Variants in NUDT4 observed in about 807,000 individuals in gnomAD.
NUDT4 encodes nudix hydrolase 4, also known as diphosphoinositol polyphosphate phosphohydrolase 2.
In NUDT4, 5 loss-of-function variants were observed where a neutral mutation model predicts 23.1. That is an observed-to-expected ratio of 0.22 (90% confidence interval 0.11 to 0.46). NUDT4 has a LOEUF of 0.46. NUDT4 is among the 20% of genes least tolerant of loss of function. NUDT4 has a pLI of 0.99. For synonymous variants in NUDT4, 50 were observed against 79.0 expected (o/e 0.63, Z 1.95); for missense variants, 96 against 211.6 (o/e 0.45, Z 3.39).
chr12:93,383,886 C>A (rs553406437), intron 1 of NUDT4, among the ~76,000 whole-genome samples: 2 of 152,282 alleles, frequency 1.3e-5, no homozygotes, highest in South Asian at 4.2e-4. Flanking sequence ...TCATAATAAA[C>A]CTCTTCATTC....
At chr12:93,391,438 G>T (rs1050707998) in intron 1 of NUDT4, among the ~76,000 whole-genome samples, 1 of 151,922 alleles carries the variant, frequency 6.6e-6, no homozygotes, top group Non-Finnish European at 1.5e-5. Context: ...GGTGGGAGGT[G>T]CCTGTAATCC....
In NUDT4 at chr12:93,403,948, T is replaced by C. The variant is rs931337301; in HGVS notation, c.*4569T>C. The C allele has an allele frequency of 6.6e-5, 10 of 152,234 alleles. No homozygotes were observed. Among genetic ancestry groups the C allele is most frequent in the Admixed American group, 2.0e-4 (3 of 15,282 alleles). 9.4% of individuals were successfully genotyped at this position (152,234 alleles called of 1,614,324 possible). ...GTCTTCTAGCCAGGGAACTATTCTC[T>C]AATTCTTCCACCTTGATATGATTTC... is the stretch of plus-strand genomic sequence containing the variant. On this transcript the variant is annotated 3_prime_UTR_variant, in exon 5 of 5. Coordinates refer to ENST00000415493, the MANE Select transcript of NUDT4 (RefSeq NM_019094.6).
intron 1 of NUDT4, among the ~76,000 whole-genome samples, chr12:93,391,923 G>A (rs1372460972): frequency 6.6e-6 from 1 of 151,946 alleles, no homozygotes; most frequent in African/African-American, 2.4e-5. Context: ...TCACTCCATT[G>A]CCCAGGCTGA....
In NUDT4 at chr12:93,398,859, A is replaced by G. The variant is rs1565784183; in HGVS notation, c.340+4A>G. 6.6e-7 allele frequency: 1 copy of G among 1,520,528 alleles called. No homozygotes were observed. The highest frequency in any genetic ancestry group is 1.1e-5 in the South Asian group (1 of 88,784). The allele number at this position is 1,520,528 out of a possible 1,614,324, so 94.2% of individuals were successfully genotyped here. On this transcript the variant is annotated splice_donor_region_variant and intron_variant, in intron 4 of 4. Transcript: ENST00000415493. Reference sequence around the variant, plus strand: ...TGGGAAGATTCTGTTAATATTGGTAAGTTCCCTTTTGTTATCTGAATACTC... The same window carrying G: ...TGGGAAGATTCTGTTAATATTGGTAGGTTCCCTTTTGTTATCTGAATACTC...
intron 1 of NUDT4, among the ~76,000 whole-genome samples, chr12:93,384,913 C>T (rs1323524195): frequency 2.0e-5 from 3 of 152,148 alleles, no homozygotes; most frequent in South Asian, 2.1e-4. Context: ...CATGCCATCA[C>T]GCCTGGCTAA....
At chr12:93,379,671 G>A (rs745896828) in intron 1 of NUDT4, among the ~76,000 whole-genome samples, 10 of 152,106 alleles carry the variant, frequency 6.6e-5, no homozygotes, top group Non-Finnish European at 1.3e-4. Flanking sequence ...TCCCAAACGA[G>A]TGTGCAGAGA....
intron 1 of NUDT4, chr12:93,378,622 G>T: frequency 8.2e-7 from 1 of 1,222,764 alleles, no homozygotes; most frequent in Non-Finnish European, 1.0e-6. Context: ...GACAAAGGGG[G>T]CTCGCCCAGC....
intron 1 of NUDT4, 118 bp from the exon 2 acceptor site, chr12:93,394,491 T>A (rs975925709): frequency 1.6e-5 from 9 of 558,984 alleles, no homozygotes; most frequent in African/African-American, 9.5e-5. Flanking sequence ...TAATTTTAAT[T>A]AAATTTTAAA....
chr12:93,382,778 G>A (rs781703775), intron 1 of NUDT4, among the ~76,000 whole-genome samples: 30 of 146,296 alleles, frequency 2.1e-4, no homozygotes, highest in Middle Eastern at 6.9e-3. Context: ...CCAGGTTCAC[G>A]CCATTCTCAA....
In NUDT4 at chr12:93,391,564, C is replaced by CA. The variant is rs35273143; in HGVS notation, c.100-3031dup. Reference sequence around the variant, plus strand: ...TGGATGATAGGACGAGACTCCATTTCAAAAAAAAAAAAAAGTACAAAAATT... The same window carrying CA: ...TGGATGATAGGACGAGACTCCATTTCAAAAAAAAAAAAAAAGTACAAAAATT... On this transcript the variant is annotated intron_variant, in intron 1 of 4. Transcript: ENST00000415493. 6.3e-4 allele frequency among the ~76,000 whole-genome samples: 73 copies of CA among 116,232 alleles called. 1 individual carries two copies. The highest frequency in any genetic ancestry group is 6.7e-4 in the Non-Finnish European group (36 of 54,018). 76.3% of individuals were successfully genotyped at this position (116,232 alleles called of 152,430 possible).
rs1237107560 is a variant in NUDT4 at position 93,405,317 on chromosome 12, T to TC, written c.*5939dup. On this transcript the variant is annotated 3_prime_UTR_variant, in exon 5 of 5. Coordinates refer to ENST00000415493, the MANE Select transcript of NUDT4 (RefSeq NM_019094.6). ...AAAAGCAGTCATATGGTAAGATGGA[T>TC]CAGGAGTCTTTAAAAATAAAACTGA... 2.7e-5 allele frequency: 4 copies of TC among 150,024 alleles called. No homozygotes were observed. The highest frequency in any genetic ancestry group is 9.7e-5 in the African/African-American group (4 of 41,298). The allele number at this position is 150,024 out of a possible 1,614,324, so 9.3% of individuals were successfully genotyped here. A position where few individuals can be genotyped will look rare whatever the true frequency, so the allele number is the denominator to read the frequency against.
At chr12:93,378,839 C>T (rs1184624434) in intron 1 of NUDT4, 1 of 959,164 alleles carries the variant, frequency 1.0e-6, no homozygotes, top group Non-Finnish European at 1.2e-6. Context: ...ATTTTCCTTC[C>T]ATGTTACAGC....
At chr12:93,390,990 A>G (rs958900800) in intron 1 of NUDT4, among the ~76,000 whole-genome samples, 1 of 152,138 alleles carries the variant, frequency 6.6e-6, no homozygotes, top group Non-Finnish European at 1.5e-5. Flanking sequence ...GGAGTTGCTG[A>G]ATTGTCAGCT....
chr12:93,395,342 C>T, intron 2 of NUDT4, 147 bp from the exon 3 acceptor site: 1 of 669,200 alleles, frequency 1.5e-6, no homozygotes, highest in Non-Finnish European at 2.7e-6. Context: ...ACAATAAAAA[C>T]TTCACAGAAG....
rs1289684618 is a variant in NUDT4, at chr12:93,403,208, T to C, written c.*3829T>C. Reference sequence around the variant, plus strand: ...AGCATTTGCTGTTCAATAATAAGCATCTTCTTTATGCCTAGTATTTGTGAT... The same window carrying C: ...AGCATTTGCTGTTCAATAATAAGCACCTTCTTTATGCCTAGTATTTGTGAT... On this transcript the variant is annotated 3_prime_UTR_variant, in exon 5 of 5. Coordinates refer to ENST00000415493, the MANE Select transcript of NUDT4 (RefSeq NM_019094.6). The C allele has an allele frequency of 6.6e-6, 1 of 152,126 alleles. No homozygotes were observed. The highest frequency in any genetic ancestry group is 1.5e-5 in the Non-Finnish European group (1 of 68,016). 9.4% of individuals were successfully genotyped at this position (152,126 alleles called of 1,614,324 possible). A position where few individuals can be genotyped will look rare whatever the true frequency, so the allele number is the denominator to read the frequency against.
chr12:93,399,051 A>G, intron 4 of NUDT4, 126 bp from the exon 5 acceptor site: 1 of 741,606 alleles, frequency 1.3e-6, no homozygotes, highest in Non-Finnish European at 2.3e-6. Context: ...AGAGATGCAT[A>G]TTCATCTTAA....
At chr12:93,380,410 C>T (rs1875574642) in intron 1 of NUDT4, among the ~76,000 whole-genome samples, 1 of 152,112 alleles carries the variant, frequency 6.6e-6, no homozygotes, top group South Asian at 2.1e-4. Flanking sequence ...GAAATAAATA[C>T]TAAATTCATA....
chr12:93,402,349 G>A lies in NUDT4; in HGVS notation c.*2970G>A, dbSNP rs954836846. 6.6e-6 allele frequency: 1 copy of A among 151,888 alleles called. No homozygotes were observed. The highest frequency in any genetic ancestry group is 1.5e-5 in the Non-Finnish European group (1 of 67,986). 9.4% of individuals were successfully genotyped at this position (151,888 alleles called of 1,614,324 possible). A position where few individuals can be genotyped will look rare whatever the true frequency, so the allele number is the denominator to read the frequency against. On this transcript the variant is annotated 3_prime_UTR_variant, in exon 5 of 5. Coordinates refer to ENST00000415493, the MANE Select transcript of NUDT4 (RefSeq NM_019094.6). ...TTGCAAACCAGGTTTCTGAAACTTT[G>A]GGTAAGGTGTATGCTTTTAACTTTG...
intron 1 of NUDT4, among the ~76,000 whole-genome samples, chr12:93,393,656 G>A (rs1876719267): frequency 6.6e-6 from 1 of 152,196 alleles, no homozygotes; most frequent in Non-Finnish European, 1.5e-5. Context: ...CTCACAGACT[G>A]TACAGGTGGT....
Sources: allele counts gnomAD v4.1 joint callset (sites outside exome capture counted in the v4.1 genomes callset), GRCh38; gene constraint gnomAD v4.1.1; transcripts MANE v1.5; gene names NCBI Gene and HGNC (gene_info 2026-07-23, HGNC 2026-07-21).